The following TRMT1L variants were observed in gnomAD, a reference collection of about 807,000 sequenced individuals.
The protein encoded by TRMT1L is tRNA methyltransferase 1L.
A neutral mutation model predicts 81.6 loss-of-function variants in TRMT1L; 28 were observed. The ratio of observed to expected loss-of-function variants is 0.34; its 90% CI spans 0.25 to 0.47. The LOEUF is 0.47. Among genes scored for constraint, TRMT1L ranks in the 20% least tolerant of loss-of-function variants. The probability of loss-of-function intolerance (pLI) is 1.00; values close to 1 mark genes in which losing one functional copy is unlikely to be tolerated. For synonymous variants in TRMT1L, 301 were observed against 303.2 expected, an observed-to-expected ratio of 0.99 and a Z score of 0.07; for missense variants, 739 against 877.1, an observed-to-expected ratio of 0.84 and a Z score of 1.99.
At chr1:185,146,534 T>C (rs1653192738) in intron 4 of TRMT1L, among the ~76,000 whole-genome samples, 1 of 152,048 alleles carries the variant, frequency 6.6e-6, no homozygotes, top group Admixed American at 6.6e-5. Context: ...ATGGACCAGG[T>C]ACTGTTTTGA....
At chr1:185,124,836 A>G (rs1652583332) in intron 12 of TRMT1L, 108 bp downstream of exon 12, 3 of 1,069,776 alleles carry the variant, frequency 2.8e-6, no homozygotes, top group Non-Finnish European at 2.6e-6. Flanking sequence ...CTAAAAACAC[A>G]CTATTTATAA....
chr1:185,123,821 A>T, intron 13 of TRMT1L, 36 bp downstream of exon 13: 1 of 1,306,776 alleles, frequency 7.7e-7, no homozygotes, highest in Non-Finnish European at 1.0e-6. Flanking sequence ...TTTTGACCTG[A>T]TATGTACATA....
chr1:185,151,764 A>G (rs2102259950), intron 2 of TRMT1L, 61 bp downstream of exon 2: 1 of 1,109,834 alleles, frequency 9.0e-7, no homozygotes, highest in Non-Finnish European at 1.3e-6. Context: ...TATTTTTGTG[A>G]ATTGAAAGAT....
chr1:185,124,906 G>C, intron 12 of TRMT1L, 38 bp downstream of exon 12: 1 of 1,548,952 alleles, frequency 6.5e-7, no homozygotes. Flanking sequence ...TTTTTGGTAA[G>C]CAGTTTAAAG....
Position 185,151,145 on chromosome 1 carries a change from TTGATA to T in TRMT1L, c.347-658_347-654del, listed in dbSNP as rs1653333848. On this transcript the variant is annotated intron_variant, in intron 2 of 14. Transcript: ENST00000367506. ...ATATAATGTATCTCAAATAAAAACT[TTGATA>T]GTATAGATGAAAGAATTAAATTTCA... Among the ~76,000 whole-genome samples the T allele has an allele frequency of 5.3e-5, 8 of 152,310 alleles. No individual in the cohort carries two copies. The South Asian group carries it at 1.7e-3, about 32-fold the overall frequency.
In TRMT1L at chr1:185,156,566, C is replaced by T; in HGVS notation, c.147G>A (p.Pro49=). The change falls in exon 1 of 15, where the codon CCG becomes CCA. Residue 49 remains proline (P), a synonymous_variant. Coordinates refer to ENST00000367506, the MANE Select transcript of TRMT1L (RefSeq NM_030934.5). The stretch of plus-strand genomic sequence containing the variant: ...CAGGGGCTGGGGCTGGAGCCGAGGC[C>T]GGAGTCGGAGCCGAGTCCAGAGCCG... ...PDSALDSAPT[P]ASAPAPAPAL... The T allele has an allele frequency of 6.3e-7, 1 of 1,598,782 alleles. No individual in the cohort carries two copies. The highest frequency in any genetic ancestry group is 8.5e-7 in the Non-Finnish European group (1 of 1,173,310).
At chr1:185,132,107 C>T (rs1333745417) in intron 10 of TRMT1L, among the ~76,000 whole-genome samples, 1 of 151,968 alleles carries the variant, frequency 6.6e-6, no homozygotes, top group Non-Finnish European at 1.5e-5. Context: ...CACCACTGCA[C>T]TCCACCCTGG....
chr1:185,143,263 T>C, intron 7 of TRMT1L, 94 bp downstream of exon 7: 1 of 1,178,992 alleles, frequency 8.5e-7, no homozygotes, highest in Non-Finnish European at 1.2e-6. Flanking sequence ...GGATCTTTAA[T>C]TTTTTTACAT....
intron 12 of TRMT1L, 164 bp downstream of exon 12, chr1:185,124,780 G>GTAAT (rs1181590095): frequency 3.8e-6 from 2 of 530,124 alleles, no homozygotes; most frequent in Admixed American, 7.5e-5. Context: ...ATAAAACTAT[G>GTAAT]TAATTAAAAA....
rs749190997 is a variant in TRMT1L, at chr1:185,156,541, C to T, written c.172G>A (p.Ala58Thr). 5.0e-6 allele frequency: 8 copies of T among 1,611,420 alleles called. No homozygotes were observed. The highest frequency in any genetic ancestry group is 3.3e-4 in the Middle Eastern group (2 of 6,034). Residue 58 changes from alanine to threonine, a missense_variant, in exon 1 of 15, where the codon GCC (alanine) becomes ACC (threonine). By Grantham distance (58) the Ala-to-Thr change is moderately conservative. Coordinates refer to ENST00000367506, the MANE Select transcript of TRMT1L (RefSeq NM_030934.5). Reference protein sequence around the residue: ...TPASAPAPAPALAQAPALSPS... With the variant: ...TPASAPAPAPTLAQAPALSPS... The stretch of plus-strand genomic sequence containing the variant: ...GACAGGGCCGGAGCCTGGGCCAGGG[C>T]AGGGGCTGGGGCTGGAGCCGAGGCC...
intron 7 of TRMT1L, among the ~76,000 whole-genome samples, chr1:185,142,196 C>T (rs926952608): frequency 6.6e-6 from 1 of 152,168 alleles, no homozygotes; most frequent in Non-Finnish European, 1.5e-5. Context: ...TGCTGATCAT[C>T]ATGGTAGTAG....
In TRMT1L at chr1:185,120,563, CT is replaced by C; in HGVS notation, c.1823-55del. ...GCTCTTAAAAATTACAAGCCAAATA[CT>C]TTTATAACTATATATTTATCTCAAG... On this transcript the variant is annotated intron_variant, in intron 13 of 14. Coordinates refer to ENST00000367506, the MANE Select transcript of TRMT1L (RefSeq NM_030934.5). The C allele has an allele frequency of 5.0e-6, 7 of 1,406,218 alleles. 1 individual carries two copies. The South Asian group carries it at 1.3e-4, about 26-fold the overall frequency. 87.1% of individuals were successfully genotyped at this position (1,406,218 alleles called of 1,614,324 possible). A position where few individuals can be genotyped will look rare whatever the true frequency, so the allele number is the denominator to read the frequency against.
At chr1:185,152,433 G>A (rs1653383720) in intron 1 of TRMT1L, among the ~76,000 whole-genome samples, 1 of 152,228 alleles carries the variant, frequency 6.6e-6, no homozygotes, top group African/African-American at 2.4e-5. Flanking sequence ...TGTTTGGGGG[G>A]ATGGAGTCAG....
intron 10 of TRMT1L, among the ~76,000 whole-genome samples, chr1:185,129,164 T>C (rs1652709153): frequency 6.6e-6 from 1 of 152,166 alleles, no homozygotes; most frequent in South Asian, 2.1e-4. Context: ...AAGAGATCCA[T>C]ATTTCAAAAT....
chr1:185,132,263 A>C (rs1024674653), intron 10 of TRMT1L, among the ~76,000 whole-genome samples: 8 of 152,142 alleles, frequency 5.3e-5, no homozygotes, highest in South Asian at 2.1e-4. Flanking sequence ...CATGCCTGTA[A>C]TCCCAGCACT....
Position 185,145,505 on chromosome 1 carries a change from T to A in TRMT1L, c.589A>T (p.Thr197Ser). The A allele has an allele frequency of 6.2e-7, 1 of 1,612,272 alleles. No individual in the cohort carries two copies. Among genetic ancestry groups the A allele is most frequent in the South Asian group, 1.1e-5 (1 of 90,992 alleles). ...CGCCTAACATGTCCTAGCATATCAG[T>A]TCTTCTGGTGATTGTTGCTGAACAA... is the stretch of plus-strand genomic sequence containing the variant. ...IICSATITRR[T>S]DMLGHVRRHM... Residue 197 changes from threonine to serine, a missense_variant, in exon 5 of 15, where the codon ACT becomes TCT. Coordinates refer to ENST00000367506, the MANE Select transcript of TRMT1L (RefSeq NM_030934.5).
chr1:185,140,225 T>G lies in TRMT1L; in HGVS notation c.860-3A>C, dbSNP rs530157664. The G allele has an allele frequency of 6.9e-6, 11 of 1,589,338 alleles. No individual in the cohort carries two copies. Among genetic ancestry groups the G allele is most frequent in the African/African-American group, 6.8e-5 (5 of 73,932 alleles). On this transcript the variant is annotated splice_polypyrimidine_tract_variant and splice_region_variant and intron_variant, in intron 7 of 14. Transcript: ENST00000367506. The stretch of plus-strand genomic sequence containing the variant: ...TGCCCACTGTAATCCCATTATCCCT[T>G]AGGAAAAATGGGAAGAAAATGAGTT...
At chr1:185,142,911 T>C (rs546730822) in intron 7 of TRMT1L, among the ~76,000 whole-genome samples, 7 of 152,332 alleles carry the variant, frequency 4.6e-5, no homozygotes, top group African/African-American at 1.7e-4. Flanking sequence ...GCATTCTGAT[T>C]TGATTTTTAA....
chr1:185,143,053 C>G (rs933990918), intron 7 of TRMT1L, among the ~76,000 whole-genome samples: 1 of 151,944 alleles, frequency 6.6e-6, no homozygotes, highest in African/African-American at 2.4e-5. Flanking sequence ...GAAATACTTA[C>G]AGATGAAATG....
Sources: allele counts gnomAD v4.1 joint callset (sites outside exome capture counted in the v4.1 genomes callset), GRCh38; gene constraint gnomAD v4.1.1; transcripts MANE v1.5; gene names NCBI Gene and HGNC (gene_info 2026-07-23, HGNC 2026-07-21).